The following LINC00305 variants were observed in gnomAD, a reference collection of about 807,000 sequenced individuals.
The protein encoded by LINC00305 is long intergenic non-protein coding RNA 305.
At chr18:64,105,320 A>C (rs2051285409) in intron 1 of LINC00305, among the ~76,000 whole-genome samples, 1 of 151,570 alleles carries the variant, frequency 6.6e-6, no homozygotes, top group South Asian at 2.1e-4. Context: ...AATTAGCCGG[A>C]CTTGGTGACA....
intron 1 of LINC00305, among the ~76,000 whole-genome samples, chr18:64,111,765 C>G (rs1421923112): frequency 6.6e-6 from 1 of 152,162 alleles, no homozygotes; most frequent in Non-Finnish European, 1.5e-5. Context: ...GTCCAAGCTC[C>G]TTCAGGAAAG....
intron 1 of LINC00305, among the ~76,000 whole-genome samples, chr18:64,132,514 C>T (rs987431303): frequency 6.6e-6 from 1 of 152,182 alleles, no homozygotes; most frequent in Non-Finnish European, 1.5e-5. Context: ...TCCACTCCCC[C>T]CCCGAGTAAC....
At chr18:64,112,276 C>T (rs74335669) in intron 1 of LINC00305, among the ~76,000 whole-genome samples, 4 of 149,924 alleles carry the variant, frequency 2.7e-5, no homozygotes, top group East Asian at 2.0e-4. Flanking sequence ...AGCCCATTAG[C>T]GACTACACGC....
At chr18:64,128,092 A>G (rs1408056026) in intron 1 of LINC00305, among the ~76,000 whole-genome samples, 1 of 152,126 alleles carries the variant, frequency 6.6e-6, no homozygotes, top group Non-Finnish European at 1.5e-5. Flanking sequence ...AGACTAATGT[A>G]AAGTGTCAGA....
At chr18:64,116,858 C>T (rs908323646) in intron 1 of LINC00305, among the ~76,000 whole-genome samples, 6 of 152,194 alleles carry the variant, frequency 3.9e-5, no homozygotes, top group Middle Eastern at 3.2e-3. Context: ...AGGTTTACCA[C>T]GGGCCTTCCA....
chr18:64,114,446 A>T (rs2051328989), intron 1 of LINC00305, among the ~76,000 whole-genome samples: 1 of 152,094 alleles, frequency 6.6e-6, no homozygotes, highest in South Asian at 2.1e-4. Context: ...AGTCAGGAGG[A>T]TTCTGGTTTG....
At chr18:64,106,939 T>A (rs2051293428) in intron 1 of LINC00305, among the ~76,000 whole-genome samples, 1 of 151,988 alleles carries the variant, frequency 6.6e-6, no homozygotes, top group Non-Finnish European at 1.5e-5. Flanking sequence ...GAAGAAAAAA[T>A]CTTGAAAGCT....
chr18:64,126,539 T>C (rs562402362), intron 1 of LINC00305, among the ~76,000 whole-genome samples: 4 of 152,134 alleles, frequency 2.6e-5, no homozygotes, highest in African/African-American at 9.7e-5. Context: ...CAAGGAGCTG[T>C]TCACTGAGAT....
At chr18:64,097,939 G>C (rs1348178374) in exon 3 of LINC00305, 1 of 457,986 alleles carries the variant, frequency 2.2e-6, no homozygotes, top group South Asian at 1.5e-5. Context: ...GAAGGCTGCT[G>C]ACCAGTTTCC....
At chr18:64,119,541 A>C (rs2051352547) in intron 1 of LINC00305, among the ~76,000 whole-genome samples, 1 of 152,170 alleles carries the variant, frequency 6.6e-6, no homozygotes, top group South Asian at 2.1e-4. Context: ...TTACTAAAGA[A>C]GGTCTCATAA....
At chr18:64,100,849 A>G (rs1215824288) in intron 1 of LINC00305, among the ~76,000 whole-genome samples, 3 of 152,146 alleles carry the variant, frequency 2.0e-5, no homozygotes, top group Non-Finnish European at 4.4e-5. Flanking sequence ...TGAATGTCCC[A>G]TGGAAGGCTG....
chr18:64,112,842 T>G (rs1367988666), intron 1 of LINC00305, among the ~76,000 whole-genome samples: 1 of 152,186 alleles, frequency 6.6e-6, no homozygotes, highest in Non-Finnish European at 1.5e-5. Flanking sequence ...TGCCAGCAAC[T>G]TTTCTAGGTT....
intron 1 of LINC00305, among the ~76,000 whole-genome samples, chr18:64,148,316 C>T (rs1247751409): frequency 1.3e-5 from 2 of 152,028 alleles, no homozygotes; most frequent in African/African-American, 4.8e-5. Context: ...TGCAAACTTC[C>T]CTTATCTCAG....
chr18:64,136,489 T>A (rs1490407949), intron 1 of LINC00305, among the ~76,000 whole-genome samples: 1 of 151,974 alleles, frequency 6.6e-6, no homozygotes, highest in Non-Finnish European at 1.5e-5. Context: ...GACCATCAGA[T>A]CTCATGAGAA....
chr18:64,080,209 C>T (rs73962129), exon 4 of LINC00305: 21 of 298,064 alleles, frequency 7.0e-5, no homozygotes, highest in Non-Finnish European at 8.9e-5. Context: ...AAGTCCCTGC[C>T]GTTTATCCAA....
At chr18:64,098,828 A>G (rs556131424) in intron 1 of LINC00305, among the ~76,000 whole-genome samples, 1 of 152,276 alleles carries the variant, frequency 6.6e-6, no homozygotes, top group South Asian at 2.1e-4. Context: ...GATGACCCCA[A>G]GCCTCTTTCT....
intron 1 of LINC00305, among the ~76,000 whole-genome samples, chr18:64,108,925 C>T (rs187629372): frequency 5.9e-5 from 9 of 152,296 alleles, no homozygotes; most frequent in Admixed American, 3.9e-4. Flanking sequence ...GGGCTATTTT[C>T]CCCATTCAGG....
At chr18:64,102,283 T>C (rs1310330986) in intron 1 of LINC00305, among the ~76,000 whole-genome samples, 2 of 152,134 alleles carry the variant, frequency 1.3e-5, no homozygotes, top group Admixed American at 1.3e-4. Context: ...AGCTAAGACA[T>C]ATAAACTGAT....
chr18:64,109,924 C>A (rs944969962), intron 1 of LINC00305, among the ~76,000 whole-genome samples: 1 of 152,222 alleles, frequency 6.6e-6, no homozygotes, highest in Admixed American at 6.5e-5. Flanking sequence ...GCTTTGAATG[C>A]AGCCCAACAC....
Sources: gnomAD v4.1 joint callset for allele counts (sites outside exome capture counted in the v4.1 genomes callset) on GRCh38, gnomAD v4.1.1 for gene constraint, MANE v1.5 for transcripts, NCBI Gene and HGNC (gene_info 2026-07-23, HGNC 2026-07-21) for gene names.